Variants in PLA1A observed in about 807,000 individuals in gnomAD.
The protein encoded by PLA1A is phosphatidylserine-specific phospholipase A1alpha.
A neutral mutation model predicts 49.4 loss-of-function variants in PLA1A; 47 were observed. The observed-to-expected ratio is 0.95, with a 90% confidence interval of 0.75 to 1.21. The LOEUF (loss-of-function observed/expected upper bound fraction) is 1.21. Among genes scored for constraint, PLA1A ranks in the 50% most tolerant of loss-of-function variants. PLA1A has a pLI of 0.00. For synonymous variants in PLA1A, 224 were observed against 207.9 expected (o/e 1.08, Z -0.67); for missense variants, 561 against 563.9 (o/e 0.99, Z 0.05).
chr3:119,613,154 A>C (rs780202671), intron 5 of PLA1A, 36 bp downstream of exon 5: 7 of 1,385,948 alleles, frequency 5.1e-6, no homozygotes, highest in Admixed American at 1.9e-5. Flanking sequence ...TGAGGGAATG[A>C]GCTCAAGGCA....
rs746664437 is a variant in PLA1A, at chr3:119,628,782, T to G, written c.1203T>G (p.Phe401Leu). ...AGATAAACCAAGTGAAATTCAAGTT[T>G]CAGTCTTCCAACCGAGTTTGGAAAA... ...QCQINQVKFK[F>L]QSSNRVWKKD... Residue 401 changes from phenylalanine to leucine, a missense_variant, in exon 10 of 11, where the codon TTT (phenylalanine) becomes TTG (leucine). Physicochemically the swap from Phe to Leu is conservative, Grantham distance 22. Coordinates refer to ENST00000273371, the MANE Select transcript of PLA1A (RefSeq NM_015900.4). 1.2e-6 allele frequency: 2 copies of G among 1,614,082 alleles called. No homozygotes were observed. Among genetic ancestry groups the G allele is most frequent in the East Asian group, 2.2e-5 (1 of 44,890 alleles).
intron 1 of PLA1A, among the ~76,000 whole-genome samples, chr3:119,604,049 G>T (rs532016437): frequency 2.0e-5 from 3 of 152,322 alleles, no homozygotes; most frequent in East Asian, 1.9e-4. Context: ...ATATGTGCTG[G>T]TTTTATTGTC....
intron 1 of PLA1A, chr3:119,598,463 C>G (rs2082571038): frequency 6.6e-6 from 1 of 152,556 alleles, no homozygotes; most frequent in African/African-American, 2.4e-5. Flanking sequence ...GGAACTAGTC[C>G]CTGCTAACCT....
chr3:119,609,038 G>A, intron 3 of PLA1A, 91 bp downstream of exon 3: 1 of 1,053,814 alleles, frequency 9.5e-7, no homozygotes, highest in East Asian at 2.4e-5. Context: ...GGCTTAGGGT[G>A]GAAGCAGAGT....
rs1173756928 is a variant in PLA1A at position 119,597,932 on chromosome 3, GA to G, written c.20del (p.Glu7GlyfsTer60). The part of the protein sequence containing the change: MPPGPW[E>X]SCFWVGGLIL... ...CTCAGCGATGCCCCCAGGTCCCTGG[GA>G]GAGCTGCTTCTGGGTGGGGGGCCTC... is the stretch of plus-strand genomic sequence containing the variant. On this transcript the variant is annotated frameshift_variant, in exon 1 of 11. Transcript: ENST00000273371. LOFTEE classifies it high-confidence loss of function. The G allele has an allele frequency of 6.2e-7, 1 of 1,610,816 alleles. No individual in the cohort carries two copies. The highest frequency in any genetic ancestry group is 1.1e-5 in the South Asian group (1 of 90,074).
intron 1 of PLA1A, among the ~76,000 whole-genome samples, chr3:119,605,522 A>C (rs973664097): frequency 6.6e-6 from 1 of 152,230 alleles, no homozygotes; most frequent in Admixed American, 6.5e-5. Context: ...CTTCCTCAAC[A>C]AAGGGGCTCA....
At chr3:119,622,045 G>A (rs1194971116) in intron 8 of PLA1A, among the ~76,000 whole-genome samples, 3 of 150,616 alleles carry the variant, frequency 2.0e-5, no homozygotes, top group African/African-American at 7.5e-5. Flanking sequence ...TTGTGCCAGT[G>A]CATTCCAGCC....
rs765152523 is a variant in PLA1A, at chr3:119,600,387, A to T, written c.73+2401A>T. On this transcript the variant is annotated intron_variant, in intron 1 of 10. Transcript: ENST00000273371. ...GTCCTCTCCTCCAGGTGGATGCACA[A>T]GTCTTCCTCCATCTGGGGTAGGTGG... 8.5e-6 allele frequency: 6 copies of T among 702,964 alleles called. No homozygotes were observed. The South Asian group carries it at 8.9e-5, about 10-fold the overall frequency. 43.5% of individuals were successfully genotyped at this position (702,964 alleles called of 1,614,324 possible). A position where few individuals can be genotyped will look rare whatever the true frequency, so the allele number is the denominator to read the frequency against.
At chr3:119,608,236 GAA>G (rs2082716585) in intron 2 of PLA1A, among the ~76,000 whole-genome samples, 4 of 114,684 alleles carry the variant, frequency 3.5e-5, no homozygotes, top group African/African-American at 9.4e-5. Flanking sequence ...GAGAGAGAAA[GAA>G]AGAGAGAAAG....
chr3:119,598,104 G>A (rs909380580), intron 1 of PLA1A, 118 bp downstream of exon 1: 8 of 573,468 alleles, frequency 1.4e-5, no homozygotes, highest in Non-Finnish European at 2.5e-5. Flanking sequence ...CCTCTTCTGA[G>A]GTGAATTTAA....
At chr3:119,628,032 G>A (rs1249429503) in intron 9 of PLA1A, among the ~76,000 whole-genome samples, 3 of 152,212 alleles carry the variant, frequency 2.0e-5, no homozygotes, top group Admixed American at 2.0e-4. Flanking sequence ...AAGAGGCTGG[G>A]TTAAGACAGA....
chr3:119,609,303 A>C (rs1208474668), intron 3 of PLA1A, among the ~76,000 whole-genome samples, 165 bp from the exon 4 acceptor site: 1 of 152,182 alleles, frequency 6.6e-6, no homozygotes, highest in Non-Finnish European at 1.5e-5. Flanking sequence ...CAGGAAGAGA[A>C]AAAGTGATTA....
At chr3:119,606,750 T>A in intron 1 of PLA1A, 24 bp from the exon 2 acceptor site, 1 of 1,583,248 alleles carries the variant, frequency 6.3e-7, no homozygotes, top group Non-Finnish European at 8.7e-7. Context: ...TGGATGTTGC[T>A]TGTTTTGTTT....
rs184426169 is a variant in PLA1A at position 119,624,420 on chromosome 3, C to T, written c.1013-704C>T. On this transcript the variant is annotated intron_variant, in intron 8 of 10. Coordinates refer to ENST00000273371, the MANE Select transcript of PLA1A (RefSeq NM_015900.4). ...AGAGCATTCAGTTTAAACATGAACT[C>T]GGAGGGGACACAAACAAAAGATAGC... Among the ~76,000 whole-genome samples, 8 of 152,212 alleles carry T rather than the reference C, an allele frequency of 5.3e-5. No individual in the cohort carries two copies. In the East Asian group the frequency reaches 7.7e-4, roughly 15 times the overall value.
chr3:119,606,137 T>G (rs1313757810), intron 1 of PLA1A, among the ~76,000 whole-genome samples: 1 of 152,220 alleles, frequency 6.6e-6, no homozygotes, highest in Non-Finnish European at 1.5e-5. Context: ...GGAAGTGCCA[T>G]GGACTGGGTG....
chr3:119,598,221 T>TA (rs1016475990), intron 1 of PLA1A, among the ~76,000 whole-genome samples: 1 of 152,048 alleles, frequency 6.6e-6, no homozygotes, highest in African/African-American at 2.4e-5. Context: ...AAAGCCCACA[T>TA]AAAAAAACCC....
chr3:119,616,205 G>A (rs185501920), intron 6 of PLA1A, 104 bp downstream of exon 6: 1 of 733,820 alleles, frequency 1.4e-6, no homozygotes, highest in East Asian at 2.6e-5. Context: ...GGGTCTACTT[G>A]ACAGTGTCCT....
At chr3:119,599,861 A>C (rs111454170) in intron 1 of PLA1A, among the ~76,000 whole-genome samples, 1 of 151,944 alleles carries the variant, frequency 6.6e-6, no homozygotes, top group Non-Finnish European at 1.5e-5. Context: ...TGAGTGTTTC[A>C]CTGTCAACAG....
intron 1 of PLA1A, among the ~76,000 whole-genome samples, chr3:119,604,135 T>C (rs2082652964): frequency 6.6e-6 from 1 of 152,242 alleles, no homozygotes; most frequent in Admixed American, 6.5e-5. Flanking sequence ...GTTAAAAGGG[T>C]GTTTTTCTGT....
Sources: gnomAD v4.1 joint callset for allele counts (sites outside exome capture counted in the v4.1 genomes callset) on GRCh38, gnomAD v4.1.1 for gene constraint, MANE v1.5 for transcripts, NCBI Gene and HGNC (gene_info 2026-07-23, HGNC 2026-07-21) for gene names.